The following TAF4 variants were observed in gnomAD, a reference collection of about 807,000 sequenced individuals.
The protein encoded by TAF4 is transcription initiation factor TFIID subunit 4.
TAF4 carries 9 observed loss-of-function variants against 90.3 expected under a neutral mutation model. That is an observed-to-expected ratio of 0.10 (90% confidence interval 0.06 to 0.17). The LOEUF is 0.17. Among genes scored for constraint, TAF4 ranks in the 10% least tolerant of loss-of-function variants. The probability of loss-of-function intolerance (pLI) is 1.00; values close to 1 mark genes in which losing one functional copy is unlikely to be tolerated. For missense variants in TAF4, 1,351 were observed against 1,370.7 expected (o/e 0.99, Z 0.23); for synonymous variants, 818 against 638.9 (o/e 1.28, Z -4.23).
rs2055746500 is a variant in TAF4 at position 62,006,547 on chromosome 20, T to A, written c.2186A>T (p.Gln729Leu). The A allele has an allele frequency of 6.4e-7, 1 of 1,566,130 alleles. No individual in the cohort carries two copies. Among genetic ancestry groups the A allele is most frequent in the African/African-American group, 1.4e-5 (1 of 72,232 alleles). Reference sequence around the variant, plus strand: ...TTGCCCCTGCTTGCCGACGCCGACCTGCGTGGGCTGCGTGAGGCTGAGCAC... The same window carrying A: ...TTGCCCCTGCTTGCCGACGCCGACCAGCGTGGGCTGCGTGAGGCTGAGCAC... ...PPVLSLTQPTQVGVGKQGQPT... is the reference protein window; with the variant it reads ...PPVLSLTQPTLVGVGKQGQPT... Residue 729 changes from glutamine to leucine, a missense_variant, in exon 7 of 15, where the codon CAG becomes CTG. Physicochemically the swap from Gln to Leu is moderately radical, Grantham distance 113. Transcript: ENST00000252996. This position sits in a 1 kb window ranked among gnomAD's most constrained non-coding sequence, Gnocchi z 7.0.
rs761467549 is a variant in TAF4, at chr20:62,064,654, G to A, written c.1157C>T (p.Pro386Leu). 5.9e-5 allele frequency: 77 copies of A among 1,315,456 alleles called. 2 individuals are homozygous for A. In the South Asian group the frequency reaches 1.3e-3, roughly 23 times the overall value. 81.5% of individuals were successfully genotyped at this position (1,315,456 alleles called of 1,614,324 possible). ...GGGGGCGGGCGGCGGGACGGCGGCC[G>A]GGCTGGGCAGCGCCCCTTGCATAGT... Reference protein sequence around the residue: ...GPTMQGALPSPAAVPPPAPGT... With the variant: ...GPTMQGALPSLAAVPPPAPGT... Residue 386 changes from proline to leucine, a missense_variant, in exon 1 of 15, where the codon CCG becomes CTG. By Grantham distance (98) the Pro-to-Leu change is moderately conservative. Coordinates refer to ENST00000252996, the MANE Select transcript of TAF4 (RefSeq NM_003185.4).
intron 14 of TAF4, 111 bp downstream of exon 14, chr20:61,997,433 AAAATGT>A: frequency 7.9e-7 from 1 of 1,271,854 alleles, no homozygotes; most frequent in Non-Finnish European, 1.0e-6. Context: ...AAGGTGAGAC[AAAATGT>A]AAATGGTAAG....
rs1011740395 is a variant in TAF4 at position 62,012,876 on chromosome 20, A to G, written c.1580T>C (p.Val527Ala). 6.2e-7 allele frequency: 1 copy of G among 1,614,188 alleles called. No individual in the cohort carries two copies. The highest frequency in any genetic ancestry group is 8.5e-7 in the Non-Finnish European group (1 of 1,180,040). ...CTGCACCGTTGTCTGGGCCTGAGAC[A>G]CTTGCTTAATTATGGTAGTTGGGGT... Reference protein sequence around the residue: ...QVTPTTIIKQVSQAQTTVQPS... With the variant: ...QVTPTTIIKQASQAQTTVQPS... Residue 527 changes from valine (V) to alanine (A), a missense_variant, in exon 3 of 15, where the codon GTG becomes GCG. This residue lies in a region of TAF4 where 143 missense variants were observed against 176.3 expected (regional missense o/e 0.81). Coordinates refer to ENST00000252996, the MANE Select transcript of TAF4 (RefSeq NM_003185.4).
intron 1 of TAF4, among the ~76,000 whole-genome samples, chr20:62,044,316 T>C (rs1568940648): frequency 6.6e-6 from 1 of 152,222 alleles, no homozygotes; most frequent in Non-Finnish European, 1.5e-5. Flanking sequence ...AATTAGCGTA[T>C]ATGCTACATT....
intron 14 of TAF4, among the ~76,000 whole-genome samples, chr20:61,992,210 GA>G (rs2055636095): frequency 6.6e-6 from 1 of 152,130 alleles, no homozygotes; most frequent in Admixed American, 6.6e-5. Context: ...CAAAGAGGGC[GA>G]AAGGGAGAGC....
intron 1 of TAF4, among the ~76,000 whole-genome samples, chr20:62,062,942 G>T (rs1348287729): frequency 6.6e-6 from 1 of 152,196 alleles, no homozygotes. Flanking sequence ...ATAAAGCATT[G>T]TGACAGTTTA....
At position 61,974,851 on chromosome 20, in the gene TAF4, AAAC is replaced by A. The variant is rs1354741994; in HGVS notation, c.*1314_*1316del. 1 of 152,456 alleles carries A rather than the reference AAAC, an allele frequency of 6.6e-6. No homozygotes were observed. The highest frequency in any genetic ancestry group is 1.5e-5 in the Non-Finnish European group (1 of 68,048). 9.4% of individuals were successfully genotyped at this position (152,456 alleles called of 1,614,324 possible). ...GTTAATTTTCTTTCAATCCTATATA[AAAC>A]AATAGCAATTAAAAACTTCATTTCT... On this transcript the variant is annotated 3_prime_UTR_variant, in exon 15 of 15. Coordinates refer to ENST00000252996, the MANE Select transcript of TAF4 (RefSeq NM_003185.4). This position sits in a 1 kb window ranked among gnomAD's most constrained non-coding sequence, Gnocchi z 4.1.
At chr20:62,008,557 G>A (rs1433104980) in intron 5 of TAF4, among the ~76,000 whole-genome samples, 1 of 150,908 alleles carries the variant, frequency 6.6e-6, no homozygotes, top group Non-Finnish European at 1.5e-5. Flanking sequence ...GGTGGGGGTG[G>A]GGGGGACGGC....
intron 1 of TAF4, among the ~76,000 whole-genome samples, chr20:62,018,055 C>T (rs1438361944): frequency 6.6e-6 from 1 of 152,172 alleles, no homozygotes; most frequent in Admixed American, 6.5e-5. Flanking sequence ...AGGAATCAAA[C>T]GTCCCACAAG....
In TAF4 at chr20:62,064,960, G is replaced by T; in HGVS notation, c.851C>A (p.Pro284His). 1 of 459,808 alleles carries T rather than the reference G, an allele frequency of 2.2e-6. No individual in the cohort carries two copies. The highest frequency in any genetic ancestry group is 2.8e-6 in the Non-Finnish European group (1 of 358,212). 28.5% of individuals were successfully genotyped at this position (459,808 alleles called of 1,614,324 possible). Residue 284 changes from proline to histidine, a missense_variant, in exon 1 of 15, where the codon CCC becomes CAC. Around this residue, in one of 9 missense-constraint regions of TAF4, gnomAD observed 782 missense variants for 536.6 expected, o/e 1.46. Transcript: ENST00000252996. ...GGTCGGGGGTCCGGCGGGGTGGCCG[G>T]GCGGCCGGGCCAGAGTGGCGGGCGC... is the stretch of plus-strand genomic sequence containing the variant. Reference protein sequence around the residue: ...PPAPATLARPPGHPAGPPTAA... With the variant: ...PPAPATLARPHGHPAGPPTAA...
In TAF4 at chr20:61,974,991, T is replaced by C. The variant is rs1026229010; in HGVS notation, c.*1177A>G. ...TAAAAGGTGTAACAGTTCTCAGGTG[T>C]TGATAAAAAATACTGATCAGCGTTC... On this transcript the variant is annotated 3_prime_UTR_variant, in exon 15 of 15. Transcript: ENST00000252996. The surrounding 1 kb of genome is among the most constrained non-coding windows in gnomAD (Gnocchi z 4.1). 2.6e-5 allele frequency: 4 copies of C among 152,376 alleles called. No individual in the cohort carries two copies. Among genetic ancestry groups the C allele is most frequent in the Admixed American group, 1.3e-4 (2 of 15,268 alleles). 9.4% of individuals were successfully genotyped at this position (152,376 alleles called of 1,614,324 possible). A position where few individuals can be genotyped will look rare whatever the true frequency, so the allele number is the denominator to read the frequency against.
rs1182601967 is a variant in TAF4, at chr20:62,000,631, C to A, written c.2577G>T (p.Leu859Phe). 4 of 1,614,278 alleles carry A rather than the reference C, an allele frequency of 2.5e-6. No homozygotes were observed. ...TACAGGACCGCGTTAGCGTGCCCAC[C>A]AATTCAGAGTTCGTGGCTAATATTC... ...SARILATNSELVGTLTRSCKD... is the reference protein window; with the variant it reads ...SARILATNSEFVGTLTRSCKD... Residue 859 changes from leucine (L) to phenylalanine (F), a missense_variant, in exon 10 of 15, where the codon TTG (leucine) becomes TTT (phenylalanine). Physicochemically the swap from Leu to Phe is conservative, Grantham distance 22 (BLOSUM62 0). Around this residue, in one of 9 missense-constraint regions of TAF4, gnomAD observed 95 missense variants for 151.3 expected, o/e 0.63. Transcript: ENST00000252996.
chr20:61,976,042 T>G lies in TAF4; in HGVS notation c.*126A>C. 1 of 1,044,204 alleles carries G rather than the reference T, an allele frequency of 9.6e-7. No individual in the cohort carries two copies. The highest frequency in any genetic ancestry group is 1.4e-6 in the Non-Finnish European group (1 of 710,332). The allele number at this position is 1,044,204 out of a possible 1,614,324, so 64.7% of individuals were successfully genotyped here. On this transcript the variant is annotated 3_prime_UTR_variant, in exon 15 of 15. Coordinates refer to ENST00000252996, the MANE Select transcript of TAF4 (RefSeq NM_003185.4). ...TTTCTTTCACACTGAAGAGCTGATT[T>G]AGAAACAGGAATATAAAACTGTTCC...
intron 1 of TAF4, among the ~76,000 whole-genome samples, chr20:62,053,154 G>C (rs1370787932): frequency 6.6e-6 from 1 of 152,184 alleles, no homozygotes; most frequent in Non-Finnish European, 1.5e-5. Flanking sequence ...CAGAGCACCC[G>C]AAAGTGGAAG....
At chr20:62,026,266 G>A (rs1195712670) in intron 1 of TAF4, among the ~76,000 whole-genome samples, 2 of 152,088 alleles carry the variant, frequency 1.3e-5, no homozygotes, top group Admixed American at 1.3e-4. Context: ...CGTTCAATGA[G>A]TTTTACTCTA....
At chr20:61,982,681 TGAGAGGAG>T (rs2055557649) in intron 14 of TAF4, among the ~76,000 whole-genome samples, 1 of 72,914 alleles carries the variant, frequency 1.4e-5, no homozygotes, top group Non-Finnish European at 2.8e-5. Context: ...ACACCCCACC[TGAGAGGAG>T]ACACCAAACC....
intron 1 of TAF4, among the ~76,000 whole-genome samples, chr20:62,044,771 G>A (rs1182007515): frequency 6.6e-6 from 1 of 152,146 alleles, no homozygotes; most frequent in Non-Finnish European, 1.5e-5. Context: ...TTAAAAATGT[G>A]ACCAGCATGA....
At chr20:62,014,024 GTGTGTGTGTGTGTGTGTGTGTA>G (rs1189596224) in intron 2 of TAF4, among the ~76,000 whole-genome samples, 5 of 91,326 alleles carry the variant, frequency 5.5e-5, no homozygotes, top group Middle Eastern at 6.3e-3. Context: ...GTGTGGGTGT[GTGTGTGTGTGTGTGTGTGTGTA>G]TGTGTGTGTG....
At chr20:62,034,623 C>G (rs1400327493) in intron 1 of TAF4, among the ~76,000 whole-genome samples, 1 of 152,014 alleles carries the variant, frequency 6.6e-6, no homozygotes, top group Non-Finnish European at 1.5e-5. Flanking sequence ...AGCCATCATT[C>G]CCAGCCAGAA....
Sources: gnomAD v4.1 joint callset for allele counts (sites outside exome capture counted in the v4.1 genomes callset) on GRCh38, gnomAD v4.1.1 for gene constraint, gnomAD v4.1.1 regional missense constraint, Gnocchi (gnomAD v3.1) non-coding constraint, MANE v1.5 for transcripts, NCBI Gene and HGNC (gene_info 2026-07-23, HGNC 2026-07-21) for gene names.